RGS11: variants seen among roughly 807,000 people sequenced by gnomAD.
RGS11 encodes regulator of G-protein signaling 11.
A neutral mutation model predicts 71.1 loss-of-function variants in RGS11; 86 were observed. That is an observed-to-expected ratio of 1.21 (90% CI 1.02 to 1.45). RGS11 has a LOEUF of 1.45. RGS11 is among the 40% of genes most tolerant of loss of function. The pLI is 0.00. For synonymous variants in RGS11, 298 were observed against 254.2 expected (o/e 1.17, Z -1.64); for missense variants, 734 against 635.1 (o/e 1.16, Z -1.67).
In RGS11 at chr16:270,646, G is replaced by C. The variant is rs142035342; in HGVS notation, c.1083C>G (p.Pro361=). Residue 361 remains proline, a synonymous_variant, in exon 15 of 17, where the codon CCC becomes CCG. Coordinates refer to ENST00000397770, the MANE Select transcript of RGS11 (RefSeq NM_183337.3). ...VDAVYEQFLA[P]GAAHWVNIDS... is the part of the protein sequence containing the mutation. ...CGATGTTGACCCAGTGGGCAGCTCC[G>C]GGGGCCAGGAACTGCCTAGGGGTGG... The C allele has an allele frequency of 6.2e-6, 10 of 1,609,346 alleles. No homozygotes were observed. Among genetic ancestry groups the C allele is most frequent in the South Asian group, 1.1e-5 (1 of 90,346 alleles).
chr16:273,320 C>T (rs530876914), intron 8 of RGS11, among the ~76,000 whole-genome samples, 155 bp downstream of exon 8: 1 of 152,320 alleles, frequency 6.6e-6, no homozygotes, highest in Non-Finnish European at 1.5e-5. Flanking sequence ...AGAAACGCAA[C>T]TAAGTCACGA....
intron 9 of RGS11, chr16:272,429 G>A (rs1357467060): frequency 7.7e-7 from 1 of 1,303,098 alleles, no homozygotes; most frequent in Non-Finnish European, 1.0e-6. Context: ...TTGAACAAAG[G>A]GTTTTGCTGC....
intron 1 of RGS11, 142 bp from the exon 2 acceptor site, chr16:275,640 C>A (rs1567243022): frequency 2.6e-6 from 2 of 760,228 alleles, no homozygotes; most frequent in South Asian, 3.9e-5. Flanking sequence ...GCGGCGGGGA[C>A]GCGGGGCGGG....
Position 275,006 on chromosome 16 carries a change from G to C in RGS11, c.288C>G (p.Leu96=), listed in dbSNP as rs2052103247. Residue 96 remains leucine (L), a synonymous_variant, in exon 4 of 17, where the codon CTC becomes CTG. Transcript: ENST00000397770. The part of the protein sequence containing the change: ...YPLRDPRSLM[L]RPDETPYRFQ... ...ACCTGTAGGGCGTCTCGTCTGGCCG[G>C]AGCATGAGGCTACGGGGGTCGCGCA... 1 of 1,534,732 alleles carries C rather than the reference G, an allele frequency of 6.5e-7. No individual in the cohort carries two copies. The highest frequency in any genetic ancestry group is 1.4e-5 in the African/African-American group (1 of 73,334).
Position 269,233 on chromosome 16 carries a change from G to C in RGS11, c.*36C>G. 7.1e-7 allele frequency: 1 copy of C among 1,407,672 alleles called. No homozygotes were observed. Among genetic ancestry groups the C allele is most frequent in the Non-Finnish European group, 9.8e-7 (1 of 1,017,124 alleles). 87.2% of individuals were successfully genotyped at this position (1,407,672 alleles called of 1,614,324 possible). On this transcript the variant is annotated 3_prime_UTR_variant, in exon 17 of 17. Transcript: ENST00000397770. ...CTGCTGCATTCACGCAGGACGTTGA[G>C]CTGCAGGGACTAGAGTGGCAGATGG...
intron 7 of RGS11, 54 bp downstream of exon 7, chr16:273,706 C>T (rs938947328): frequency 4.0e-5 from 63 of 1,580,942 alleles, no homozygotes; most frequent in African/African-American, 8.1e-5. Context: ...CTGGGCTTCC[C>T]GGGTAGCCTG....
Position 270,522 on chromosome 16 carries a change from C to T in RGS11, c.1206+1G>A. 6.2e-7 allele frequency: 1 copy of T among 1,602,994 alleles called. No individual in the cohort carries two copies. Among genetic ancestry groups the T allele is most frequent in the Non-Finnish European group, 8.5e-7 (1 of 1,174,666 alleles). ...CCCCTGCAGGCTGGCCCAGCACCCA[C>T]CTTCTTCATGAGCATGTATATGTGC... On this transcript the variant is annotated splice_donor_variant, in intron 15 of 16. Transcript: ENST00000397770. LOFTEE classifies it high-confidence loss of function.
At chr16:273,356 G>T (rs1051194751) in intron 8 of RGS11, 119 bp downstream of exon 8, 3 of 739,256 alleles carry the variant, frequency 4.1e-6, no homozygotes, top group Non-Finnish European at 6.5e-6. Flanking sequence ...CCCCCACCAG[G>T]AGCTCCAAGG....
At chr16:269,414 T>A in intron 16 of RGS11, 31 bp from the exon 17 acceptor site, 1 of 1,590,534 alleles carries the variant, frequency 6.3e-7, no homozygotes, top group Non-Finnish European at 8.6e-7. Flanking sequence ...GAGAACAGGC[T>A]GGCCAGCTGG....
At chr16:274,286 G>A (rs771112417) in intron 4 of RGS11, 21 bp from the exon 5 acceptor site, 42 of 1,604,944 alleles carry the variant, frequency 2.6e-5, no homozygotes, top group Non-Finnish European at 3.5e-5. Flanking sequence ...GCAGGGAGAA[G>A]GTGTCCAGGA....
intron 8 of RGS11, among the ~76,000 whole-genome samples, chr16:273,177 G>GC (rs58437254): frequency 6.6e-6 from 1 of 152,068 alleles, no homozygotes; most frequent in African/African-American, 2.4e-5. Context: ...AGCCAAGGCC[G>GC]CCCCCACTCT....
intron 9 of RGS11, chr16:272,056 G>A (rs959218891): frequency 1.9e-4 from 108 of 577,568 alleles, no homozygotes; most frequent in Admixed American, 8.5e-4. Context: ...AGCTGGTCTC[G>A]AACTCCTGAA....
intron 9 of RGS11, chr16:271,911 A>G (rs917280668): frequency 2.9e-6 from 1 of 347,040 alleles, no homozygotes; most frequent in Non-Finnish European, 5.4e-6. Context: ...ATCTCGGCTC[A>G]CCGCAACCTC....
In RGS11 at chr16:269,137, G is replaced by A. The variant is rs779789227; in HGVS notation, c.*132C>T. 9 of 904,584 alleles carry A rather than the reference G, an allele frequency of 9.9e-6. No homozygotes were observed. Among genetic ancestry groups the A allele is most frequent in the Non-Finnish European group, 1.6e-5 (9 of 561,994 alleles). The allele number at this position is 904,584 out of a possible 1,614,324, so 56.0% of individuals were successfully genotyped here. ...GGCTGTGCACCCCACAGAAGACTGG[G>A]CCCCCTGGGCACAAGGGGACACTGG... On this transcript the variant is annotated 3_prime_UTR_variant, in exon 17 of 17. Coordinates refer to ENST00000397770, the MANE Select transcript of RGS11 (RefSeq NM_183337.3).
At chr16:269,463 AGGCCACAGCCGCC>A (rs779489536) in intron 16 of RGS11, 27 bp downstream of exon 16, 3 of 1,604,082 alleles carry the variant, frequency 1.9e-6, no homozygotes, top group Non-Finnish European at 2.6e-6. Context: ...AGCAGCCCCC[AGGCCACAGCCGCC>A]GGCCACAGGG....
rs766881190 is a variant in RGS11 at position 275,392 on chromosome 16, C to T, written c.160+10G>A. 2 of 1,608,192 alleles carry T rather than the reference C, an allele frequency of 1.2e-6. No homozygotes were observed. Among genetic ancestry groups the T allele is most frequent in the Admixed American group, 1.7e-5 (1 of 59,916 alleles). On this transcript the variant is annotated intron_variant, in intron 2 of 16. Coordinates refer to ENST00000397770, the MANE Select transcript of RGS11 (RefSeq NM_183337.3). ...AGGCGCGCACGCACCCCCGCCCCGG[C>T]GCGCCTCACCTGTCACCGCGTGGGG...
chr16:272,827 G>C, intron 9 of RGS11, 36 bp downstream of exon 9: 1 of 1,539,170 alleles, frequency 6.5e-7, no homozygotes, highest in Non-Finnish European at 8.7e-7. Context: ...CGGTGTGCAG[G>C]GTGAGAGGGC....
At position 271,032 on chromosome 16, in the gene RGS11, GGTCCTCCAGGAGCTC is replaced by G; in HGVS notation, c.916_930del (p.Glu306_Asp310del). ...TCCATGAAGTGGGCCCGCCCCACGG[GGTCCTCCAGGAGCTC>G]CCGGAAGCTGAAGCCCCATCTCTCC... On this transcript the variant is annotated inframe_deletion, in exon 13 of 17. Coordinates refer to ENST00000397770, the MANE Select transcript of RGS11 (RefSeq NM_183337.3). The G allele has an allele frequency of 6.2e-7, 1 of 1,612,494 alleles. No homozygotes were observed. The highest frequency in any genetic ancestry group is 8.5e-7 in the Non-Finnish European group (1 of 1,179,930).
intron 10 of RGS11, 37 bp from the exon 11 acceptor site, chr16:271,497 G>A: frequency 6.2e-7 from 1 of 1,613,998 alleles, no homozygotes; most frequent in Non-Finnish European, 8.5e-7. Context: ...TCCCGGGCTG[G>A]GGAAGGCACC....
Sources: allele counts gnomAD v4.1 joint callset (sites outside exome capture counted in the v4.1 genomes callset), GRCh38; gene constraint gnomAD v4.1.1; transcripts MANE v1.5; gene names NCBI Gene and HGNC (gene_info 2026-07-23, HGNC 2026-07-21).